ASCC1: variants seen among roughly 807,000 people sequenced by gnomAD.
The protein encoded by ASCC1 is ASC-1 complex subunit P50.
ASCC1 carries 35 observed loss-of-function variants against 46.6 expected under a neutral mutation model. That is an observed-to-expected ratio of 0.75 (90% CI 0.57 to 0.99). The LOEUF (loss-of-function observed/expected upper bound fraction) is 0.99. Ranked by LOEUF, ASCC1 falls within the 50% of genes least tolerant of loss-of-function variation. ASCC1 has a pLI of 0.00. For synonymous variants in ASCC1, 143 were observed against 146.6 expected (o/e 0.98, Z 0.18); for missense variants, 376 against 428.7 (o/e 0.88, Z 1.09).
intron 5 of ASCC1, among the ~76,000 whole-genome samples, chr10:72,172,852 AT>A (rs1255084171): frequency 1.4e-4 from 17 of 121,260 alleles, no homozygotes; most frequent in South Asian, 1.2e-3. Flanking sequence ...TATATATAAT[AT>A]TTTTATATTA....
At chr10:72,171,513 G>A (rs142154914) in intron 5 of ASCC1, among the ~76,000 whole-genome samples, 1,738 of 151,548 alleles carry the variant, frequency 0.011, 21 homozygotes, top group African/African-American at 0.025. Context: ...TGCAACCTCC[G>A]CCTCCTGGCT....
At chr10:72,172,872 ATATAT>A (rs1161141241) in intron 5 of ASCC1, among the ~76,000 whole-genome samples, 10 of 123,338 alleles carry the variant, frequency 8.1e-5, no homozygotes, top group African/African-American at 2.7e-4. Context: ...TATATATATT[ATATAT>A]TATATTTTTA....
At chr10:72,146,750 G>C (rs1037595571) in intron 7 of ASCC1, among the ~76,000 whole-genome samples, 1 of 152,088 alleles carries the variant, frequency 6.6e-6, no homozygotes, top group Admixed American at 6.6e-5. Flanking sequence ...TGTTTCCAGA[G>C]AACAAATCTG....
In ASCC1 at chr10:72,162,431, A is replaced by G. The variant is rs576316563; in HGVS notation, c.490-757T>C. ...CATGATCCGCCCGCCTCAGCCTCCC[A>G]AAGTGTTGGGATTACAAGAGTGAGC... On this transcript the variant is annotated intron_variant, in intron 5 of 9. Coordinates refer to ENST00000672957, the MANE Select transcript of ASCC1 (RefSeq NM_001198800.3). Among the ~76,000 whole-genome samples, 74 of 151,824 alleles carry G rather than the reference A, an allele frequency of 4.9e-4. 1 individual carries two copies. In the South Asian group the frequency reaches 0.015, roughly 32 times the overall value.
chr10:72,124,723 C>CTTTTTTTTTTTTT (rs34682603), intron 9 of ASCC1, among the ~76,000 whole-genome samples: 2 of 118,656 alleles, frequency 1.7e-5, no homozygotes, highest in African/African-American at 7.0e-5. Flanking sequence ...CAAACAACAT[C>CTTTTTTTTTTTTT]TTTTTTTTTT....
intron 5 of ASCC1, among the ~76,000 whole-genome samples, chr10:72,178,783 A>G (rs369194573): frequency 6.6e-5 from 10 of 152,334 alleles, no homozygotes; most frequent in South Asian, 2.1e-4. Context: ...TAGAAAACTC[A>G]TAAGGTAGGG....
At chr10:72,209,938 T>A (rs1857809898) in intron 3 of ASCC1, among the ~76,000 whole-genome samples, 2 of 152,126 alleles carry the variant, frequency 1.3e-5, no homozygotes, top group Admixed American at 1.3e-4. Flanking sequence ...TCATGATGGC[T>A]TAGCACCATC....
At chr10:72,097,865 T>G (rs1389030931) in intron 9 of ASCC1, among the ~76,000 whole-genome samples, 1 of 152,168 alleles carries the variant, frequency 6.6e-6, no homozygotes, top group Non-Finnish European at 1.5e-5. Flanking sequence ...CAGGGTTAAA[T>G]TTGACGTAAC....
chr10:72,155,071 AC>A (rs1848794704), intron 6 of ASCC1, among the ~76,000 whole-genome samples: 1 of 144,428 alleles, frequency 6.9e-6, no homozygotes, highest in Non-Finnish European at 1.5e-5. Context: ...TGCTACTTGT[AC>A]AAAAGATGGA....
At chr10:72,099,050 GACAAT>G (rs1436073893) in intron 9 of ASCC1, among the ~76,000 whole-genome samples, 1 of 152,168 alleles carries the variant, frequency 6.6e-6, no homozygotes, top group Non-Finnish European at 1.5e-5. Flanking sequence ...AGCAATAAAA[GACAAT>G]ACAAAAGAAA....
intron 7 of ASCC1, among the ~76,000 whole-genome samples, chr10:72,138,697 G>A (rs915692467): frequency 2.1e-5 from 3 of 141,276 alleles, no homozygotes; most frequent in Non-Finnish European, 4.5e-5. Context: ...TCCATCTCCC[G>A]AGTAGCTGGG....
chr10:72,170,950 C>T (rs1851001149), intron 5 of ASCC1, among the ~76,000 whole-genome samples: 1 of 152,012 alleles, frequency 6.6e-6, no homozygotes, highest in Non-Finnish European at 1.5e-5. Flanking sequence ...GCCTGGACAA[C>T]ATAGCAAGAT....
chr10:72,192,582 CTCCTGGGA>C (rs1194352410), intron 5 of ASCC1, among the ~76,000 whole-genome samples: 4 of 152,222 alleles, frequency 2.6e-5, no homozygotes, highest in Admixed American at 6.5e-5. Context: ...CAACCTCCAT[CTCCTGGGA>C]TCCAGTGATT....
rs567130588 is a variant in ASCC1 at position 72,209,775 on chromosome 10, C to T, written c.212+957G>A. 1.3e-4 allele frequency among the ~76,000 whole-genome samples: 20 copies of T among 152,212 alleles called. 1 individual carries two copies. In the East Asian group the frequency reaches 3.9e-3, roughly 29 times the overall value. ...CTCCTGCCTAGGCGAAAGAGCGAAA[C>T]TCTGTCTCAAAATAAATAAATAAAT... On this transcript the variant is annotated intron_variant, in intron 3 of 9. Transcript: ENST00000672957.
At position 72,213,189 on chromosome 10, in the gene ASCC1, T is replaced by TG. The variant is rs1415258401; in HGVS notation, c.109dup (p.Gln37ProfsTer8). 1 of 1,602,896 alleles carries TG rather than the reference T, an allele frequency of 6.2e-7. No individual in the cohort carries two copies. The highest frequency in any genetic ancestry group is 1.3e-5 in the African/African-American group (1 of 74,600). On this transcript the variant is annotated frameshift_variant, in exon 2 of 10. Coordinates refer to ENST00000672957, the MANE Select transcript of ASCC1 (RefSeq NM_001198800.3). LOFTEE classifies it high-confidence loss of function. ...GACCAAAGAGCAACTAGGATTACCT[T>TG]GATAGAAGTCCTCTTCATCTTCTTC...
At chr10:72,162,327 C>A (rs879569319) in intron 5 of ASCC1, among the ~76,000 whole-genome samples, 5 of 151,924 alleles carry the variant, frequency 3.3e-5, no homozygotes, top group African/African-American at 1.2e-4. Flanking sequence ...CCCGCCACCA[C>A]GCCCGGCTAA....
intron 5 of ASCC1, among the ~76,000 whole-genome samples, chr10:72,170,965 C>A (rs1432928239): frequency 6.6e-6 from 1 of 150,894 alleles, no homozygotes; most frequent in East Asian, 1.9e-4. Context: ...CAAGATCCCA[C>A]CCCCCCCAAT....
intron 9 of ASCC1, among the ~76,000 whole-genome samples, chr10:72,123,133 C>G (rs979208101): frequency 2.0e-5 from 3 of 151,912 alleles, no homozygotes; most frequent in African/African-American, 7.3e-5. Flanking sequence ...GTCAGGAGAT[C>G]GAGACCATCC....
At chr10:72,178,751 G>A (rs995557619) in intron 5 of ASCC1, among the ~76,000 whole-genome samples, 1 of 152,138 alleles carries the variant, frequency 6.6e-6, no homozygotes, top group Non-Finnish European at 1.5e-5. Flanking sequence ...TGCTACGATT[G>A]TGGTAATTTT....
Sources: allele counts gnomAD v4.1 joint callset (sites outside exome capture counted in the v4.1 genomes callset), GRCh38; gene constraint gnomAD v4.1.1; transcripts MANE v1.5; gene names NCBI Gene and HGNC (gene_info 2026-07-23, HGNC 2026-07-21).